MIR2052HG: variants seen among roughly 807,000 people sequenced by gnomAD.
The protein encoded by MIR2052HG is MIR2052 host gene.
chr8:74,644,877 C>A (rs531485585), intron 2 of MIR2052HG, among the ~76,000 whole-genome samples: 1 of 152,056 alleles, frequency 6.6e-6, no homozygotes, highest in East Asian at 1.9e-4. Flanking sequence ...GGCAAGAGAA[C>A]AAGACCCTGG....
intron 2 of MIR2052HG, among the ~76,000 whole-genome samples, chr8:74,669,370 C>T (rs1229149422): frequency 6.6e-6 from 1 of 152,142 alleles, no homozygotes; most frequent in Non-Finnish European, 1.5e-5. Flanking sequence ...TGCTGTAATC[C>T]TATCCAAGCT....
At chr8:74,695,800 C>T (rs1809289893) in intron 2 of MIR2052HG, among the ~76,000 whole-genome samples, 1 of 152,104 alleles carries the variant, frequency 6.6e-6, no homozygotes, top group South Asian at 2.1e-4. Flanking sequence ...ATGCACTTAA[C>T]ACTGGAGCTC....
At chr8:74,687,491 A>G (rs922634013) in intron 2 of MIR2052HG, among the ~76,000 whole-genome samples, 2 of 152,172 alleles carry the variant, frequency 1.3e-5, no homozygotes, top group African/African-American at 4.8e-5. Flanking sequence ...TGGTATATAC[A>G]TACAATGGAA....
chr8:74,664,856 T>C lies in MIR2052HG; in HGVS notation n.217-37523T>C, dbSNP rs1185127226. ...TGTTCTTTGCTTCCACTCCAACAAC[T>C]TCCTGGACTTTGCATCTGTAATTGA... On this transcript the variant is annotated intron_variant and non_coding_transcript_variant, in intron 2 of 6. Transcript: ENST00000523442. Among the ~76,000 whole-genome samples, 6 of 152,288 alleles carry C rather than the reference T, an allele frequency of 3.9e-5. No individual in the cohort carries two copies. The East Asian group carries it at 9.7e-4, about 24-fold the overall frequency.
chr8:74,644,094 G>A (rs1337748454), intron 2 of MIR2052HG, among the ~76,000 whole-genome samples: 1 of 152,166 alleles, frequency 6.6e-6, no homozygotes, highest in African/African-American at 2.4e-5. Flanking sequence ...GAACTCACTA[G>A]TATGAGATGT....
intron 2 of MIR2052HG, among the ~76,000 whole-genome samples, chr8:74,625,543 A>AT (rs1808423190): frequency 6.6e-6 from 1 of 152,230 alleles, no homozygotes. Flanking sequence ...AACAGCACAA[A>AT]TTTTGAAGTA....
intron 1 of MIR2052HG, among the ~76,000 whole-genome samples, chr8:74,607,277 T>C (rs1808125601): frequency 6.6e-6 from 1 of 152,056 alleles, no homozygotes; most frequent in African/African-American, 2.4e-5. Flanking sequence ...TAGGGGAAAA[T>C]GATATTAAAC....
chr8:74,719,927 A>G (rs2128753986), intron 4 of MIR2052HG, among the ~76,000 whole-genome samples: 1 of 135,420 alleles, frequency 7.4e-6, no homozygotes, highest in East Asian at 2.2e-4. Flanking sequence ...GGCTCACTGC[A>G]GCCTCCGCCT....
chr8:74,654,816 C>T (rs939140594), intron 2 of MIR2052HG, among the ~76,000 whole-genome samples: 12 of 152,158 alleles, frequency 7.9e-5, no homozygotes, highest in Non-Finnish European at 1.0e-4. Flanking sequence ...AACTGGGTAA[C>T]GGGCAGAGGT....
intron 4 of MIR2052HG, among the ~76,000 whole-genome samples, chr8:74,704,432 TC>T (rs2128741130): frequency 6.6e-6 from 1 of 152,180 alleles, no homozygotes; most frequent in Admixed American, 6.6e-5. Flanking sequence ...AAAACTATGA[TC>T]TCCTGGGAGG....
intron 2 of MIR2052HG, among the ~76,000 whole-genome samples, chr8:74,663,270 A>G (rs1437995595): frequency 2.0e-5 from 3 of 152,122 alleles, no homozygotes; most frequent in Non-Finnish European, 4.4e-5. Flanking sequence ...GTAATGACAA[A>G]GTTTATTGGG....
chr8:74,611,019 A>G (rs1808186974), intron 1 of MIR2052HG, among the ~76,000 whole-genome samples: 1 of 152,066 alleles, frequency 6.6e-6, no homozygotes, highest in South Asian at 2.1e-4. Context: ...GCTCTTAGAA[A>G]GACACTATTA....
chr8:74,671,253 A>G (rs746170281), intron 2 of MIR2052HG, among the ~76,000 whole-genome samples: 3 of 152,126 alleles, frequency 2.0e-5, no homozygotes, highest in Non-Finnish European at 4.4e-5. Flanking sequence ...ATCTTAGGAT[A>G]GCTAGAAGAA....
intron 2 of MIR2052HG, among the ~76,000 whole-genome samples, chr8:74,644,286 T>G (rs2128735520): frequency 6.6e-6 from 1 of 152,284 alleles, no homozygotes; most frequent in Middle Eastern, 3.4e-3. Flanking sequence ...TAATACCGTA[T>G]TTTTGCTGTA....
intron 2 of MIR2052HG, among the ~76,000 whole-genome samples, chr8:74,637,012 A>G (rs1808588801): frequency 1.3e-5 from 2 of 152,136 alleles, no homozygotes; most frequent in Non-Finnish European, 2.9e-5. Context: ...TCATAATATA[A>G]TGGGGTCATT....
intron 1 of MIR2052HG, among the ~76,000 whole-genome samples, chr8:74,601,596 G>T (rs6472867): frequency 0.44 from 67,068 of 152,038 alleles, 15,160 homozygotes; most frequent in East Asian, 0.67. Context: ...ATTGATTAAT[G>T]CTTTTTTGAC....
At chr8:74,688,449 A>C (rs1233601490) in intron 2 of MIR2052HG, among the ~76,000 whole-genome samples, 1 of 152,222 alleles carries the variant, frequency 6.6e-6, no homozygotes, top group Non-Finnish European at 1.5e-5. Context: ...TATAAGCACA[A>C]TGATAACACT....
intron 2 of MIR2052HG, among the ~76,000 whole-genome samples, chr8:74,700,288 C>T (rs1308201596): frequency 6.6e-6 from 1 of 152,156 alleles, no homozygotes; most frequent in African/African-American, 2.4e-5. Context: ...TATGCTGCTA[C>T]AGACATATAA....
chr8:74,732,754 G>A (rs1469532238), intron 4 of MIR2052HG, among the ~76,000 whole-genome samples: 1 of 152,134 alleles, frequency 6.6e-6, no homozygotes, highest in Admixed American at 6.5e-5. Context: ...AGGGAGGAGG[G>A]AATAGGTAGA....
Sources: allele counts gnomAD v4.1 joint callset (sites outside exome capture counted in the v4.1 genomes callset), GRCh38; gene constraint gnomAD v4.1.1; transcripts MANE v1.5; gene names NCBI Gene and HGNC (gene_info 2026-07-23, HGNC 2026-07-21).